GSG1L: variants seen among roughly 807,000 people sequenced by gnomAD.
GSG1L encodes germ cell-specific gene 1-like protein.
In GSG1L, 24 loss-of-function variants were observed where a neutral mutation model predicts 42.1. The ratio of observed to expected loss-of-function variants is 0.57; its 90% confidence interval spans 0.41 to 0.80. GSG1L has a LOEUF of 0.80. Among genes scored for constraint, GSG1L ranks in the 30% least tolerant of loss-of-function variants. The pLI is 0.00. For synonymous variants in GSG1L, 215 were observed against 203.5 expected (o/e 1.06, Z -0.48); for missense variants, 445 against 472.2 (o/e 0.94, Z 0.53).
intron 2 of GSG1L, among the ~76,000 whole-genome samples, chr16:27,912,453 G>C (rs927782185): frequency 1.1e-4 from 16 of 152,142 alleles, no homozygotes; most frequent in African/African-American, 3.4e-4. Flanking sequence ...GGAGGTTGAG[G>C]CTGCAGTGAT....
chr16:27,842,941 C>T (rs1417901513), intron 4 of GSG1L, among the ~76,000 whole-genome samples: 1 of 151,570 alleles, frequency 6.6e-6, no homozygotes, highest in Non-Finnish European at 1.5e-5. Flanking sequence ...CCACCCAAAG[C>T]TGTGTCAGTC....
chr16:27,822,718 T>A (rs1483039427), intron 5 of GSG1L, among the ~76,000 whole-genome samples: 3 of 152,178 alleles, frequency 2.0e-5, no homozygotes, highest in African/African-American at 7.2e-5. Context: ...GAGCCTGGCC[T>A]AATATTGTTA....
At chr16:28,022,211 G>A (rs890135408) in intron 1 of GSG1L, among the ~76,000 whole-genome samples, 8 of 152,182 alleles carry the variant, frequency 5.3e-5, no homozygotes, top group Admixed American at 5.2e-4. Context: ...CATGAGGGGA[G>A]TTGCTGGGTG....
chr16:27,917,177 G>T (rs2084467320), intron 2 of GSG1L, among the ~76,000 whole-genome samples: 1 of 152,212 alleles, frequency 6.6e-6, no homozygotes, highest in Non-Finnish European at 1.5e-5. Context: ...TAGCTGCTGG[G>T]TTGAGAATGG....
intron 2 of GSG1L, among the ~76,000 whole-genome samples, chr16:27,890,944 TGC>T (rs1281164727): frequency 1.1e-4 from 17 of 152,108 alleles, no homozygotes; most frequent in Non-Finnish European, 2.1e-4. Context: ...ACACAGCCGG[TGC>T]GGTGCTCCCA....
chr16:27,874,221 GTGAGA>G (rs1248503446), intron 3 of GSG1L, among the ~76,000 whole-genome samples: 1 of 152,068 alleles, frequency 6.6e-6, no homozygotes, highest in Non-Finnish European at 1.5e-5. Context: ...TTTGATGCTA[GTGAGA>G]TGAGATGATG....
rs979345141 is a variant in GSG1L at position 28,057,508 on chromosome 16, T to C, written c.349+5568A>G. Among the ~76,000 whole-genome samples the C allele has an allele frequency of 2.0e-5, 3 of 152,102 alleles. No individual in the cohort carries two copies. The East Asian group carries it at 5.8e-4, about 29-fold the overall frequency. ...GGGAGTACAGACTCCATCTGCCAAGTTTTCAAGAAAAGCCATAAATCCAGA... is the reference window on the plus strand; with the variant it reads ...GGGAGTACAGACTCCATCTGCCAAGCTTTCAAGAAAAGCCATAAATCCAGA... On this transcript the variant is annotated intron_variant, in intron 1 of 6. Coordinates refer to ENST00000447459, the MANE Select transcript of GSG1L (RefSeq NM_001109763.2).
chr16:27,939,882 T>C (rs1278487869), intron 2 of GSG1L, among the ~76,000 whole-genome samples: 2 of 152,208 alleles, frequency 1.3e-5, no homozygotes, highest in African/African-American at 4.8e-5. Context: ...GACCTGGCTA[T>C]GTTGCCTGGG....
chr16:28,009,893 A>G (rs905470927), intron 1 of GSG1L, among the ~76,000 whole-genome samples: 1 of 152,252 alleles, frequency 6.6e-6, no homozygotes, highest in African/African-American at 2.4e-5. Flanking sequence ...AGCTGCTGGC[A>G]CCAGAATTCC....
intron 1 of GSG1L, among the ~76,000 whole-genome samples, chr16:28,026,949 G>T (rs1051414659): frequency 1.3e-5 from 2 of 152,258 alleles, no homozygotes; most frequent in East Asian, 3.9e-4. Flanking sequence ...GGGCATGGTG[G>T]TGCACACATG....
At chr16:27,945,969 C>T (rs549272170) in intron 2 of GSG1L, among the ~76,000 whole-genome samples, 6 of 152,216 alleles carry the variant, frequency 3.9e-5, no homozygotes, top group African/African-American at 9.6e-5. Context: ...TCCTGCTCCA[C>T]GCAGGCCCTG....
In GSG1L at chr16:28,062,863, C is replaced by T. The variant is rs548815223; in HGVS notation, c.349+213G>A. 6.4e-4 allele frequency among the ~76,000 whole-genome samples: 97 copies of T among 152,186 alleles called. 1 individual carries two copies. Among genetic ancestry groups the T allele is most frequent in the African/African-American group, 1.9e-3 (78 of 41,558 alleles). ...AGGAGCTCTGCCTTGCACCTCTCCA[C>T]GGCGGGGCGTCCCGCACGTCCCCCC... On this transcript the variant is annotated intron_variant, in intron 1 of 6. Coordinates refer to ENST00000447459, the MANE Select transcript of GSG1L (RefSeq NM_001109763.2).
At chr16:27,909,786 C>T (rs4536481) in intron 2 of GSG1L, among the ~76,000 whole-genome samples, 54,936 of 151,260 alleles carry the variant, frequency 0.36, 11,996 homozygotes, top group East Asian at 0.6. Context: ...GAACTACATG[C>T]GTGAGCCACC....
chr16:27,888,434 TTC>T (rs1567505583), intron 2 of GSG1L, among the ~76,000 whole-genome samples: 10 of 22,746 alleles, frequency 4.4e-4, no homozygotes, highest in African/African-American at 9.1e-4. Context: ...CTTTCTTTCT[TTC>T]TTTCTTTCTT....
In GSG1L at chr16:27,980,497, C is replaced by A. The variant is rs112790841; in HGVS notation, c.350-17294G>T. Among the ~76,000 whole-genome samples, 120 of 152,294 alleles carry A rather than the reference C, an allele frequency of 7.9e-4. 1 individual carries two copies. Among genetic ancestry groups the A allele is most frequent in the African/African-American group, 2.8e-3 (116 of 41,574 alleles). ...CTGACATGCTTTATGCGCCTACCAACGTGTGTTCTAAGTGCTTTACATGCA... is the reference window on the plus strand; with the variant it reads ...CTGACATGCTTTATGCGCCTACCAAAGTGTGTTCTAAGTGCTTTACATGCA... On this transcript the variant is annotated intron_variant, in intron 1 of 6. Coordinates refer to ENST00000447459, the MANE Select transcript of GSG1L (RefSeq NM_001109763.2).
At chr16:27,892,395 G>A (rs2084140197) in intron 2 of GSG1L, among the ~76,000 whole-genome samples, 1 of 152,048 alleles carries the variant, frequency 6.6e-6, no homozygotes, top group Non-Finnish European at 1.5e-5. Context: ...GGTTGCGGCT[G>A]CAATTAGCTA....
intron 1 of GSG1L, among the ~76,000 whole-genome samples, chr16:28,044,238 A>C (rs536588404): frequency 2.7e-5 from 4 of 149,266 alleles, no homozygotes; most frequent in Non-Finnish European, 4.5e-5. Flanking sequence ...TTAGCCAGGC[A>C]TGGTGGCACA....
chr16:27,852,825 G>A (rs1467741970), intron 3 of GSG1L, among the ~76,000 whole-genome samples: 2 of 152,180 alleles, frequency 1.3e-5, no homozygotes, highest in Admixed American at 1.3e-4. Context: ...AGGAGGCAGG[G>A]AGCCTGGGAG....
At chr16:27,946,612 A>G (rs2084868802) in intron 2 of GSG1L, among the ~76,000 whole-genome samples, 1 of 12,332 alleles carries the variant, frequency 8.1e-5, no homozygotes, top group Admixed American at 1.6e-3. Flanking sequence ...AGAGAGAGAG[A>G]GAGAGAGAGA....
Sources: allele counts gnomAD v4.1 joint callset (sites outside exome capture counted in the v4.1 genomes callset), GRCh38; gene constraint gnomAD v4.1.1; transcripts MANE v1.5; gene names NCBI Gene and HGNC (gene_info 2026-07-23, HGNC 2026-07-21).